Variants in KAZN observed in about 807,000 individuals in gnomAD.
The protein encoded by KAZN is kazrin, periplakin interacting protein.
In KAZN, 40 loss-of-function variants were observed where a neutral mutation model predicts 87.4. That is an observed-to-expected ratio of 0.46 (90% confidence interval 0.36 to 0.60). The LOEUF is 0.60. KAZN is among the 20% of genes least tolerant of loss of function. The pLI is 0.00. For missense variants in KAZN, 898 were observed against 1,073.9 expected (o/e 0.84, Z 2.29); for synonymous variants, 466 against 458.3 (o/e 1.02, Z -0.22).
intron 2 of KAZN, among the ~76,000 whole-genome samples, chr1:14,424,904 T>A (rs577429946): frequency 9.9e-5 from 15 of 152,172 alleles, no homozygotes; most frequent in Non-Finnish European, 2.2e-4. Context: ...TATACTTTGG[T>A]TTAACATAAG....
chr1:14,310,763 G>A (rs1655227788), intron 2 of KAZN, among the ~76,000 whole-genome samples: 1 of 152,152 alleles, frequency 6.6e-6, no homozygotes, highest in Admixed American at 6.5e-5. Context: ...GAATTCCCAG[G>A]AAAAAGAAGG....
intron 1 of KAZN, among the ~76,000 whole-genome samples, chr1:14,772,895 C>A (rs982046849): frequency 1.3e-5 from 2 of 152,094 alleles, no homozygotes; most frequent in Admixed American, 6.5e-5. Context: ...CTGGGGCACA[C>A]CACATTGGCC....
chr1:13,984,305 C>T (rs908055960), intron 1 of KAZN, among the ~76,000 whole-genome samples: 15 of 152,160 alleles, frequency 9.9e-5, no homozygotes, highest in African/African-American at 2.4e-4. Flanking sequence ...CCACCGCGCC[C>T]GGCCTATTTG....
chr1:14,067,116 CT>C (rs1643039112), intron 1 of KAZN, among the ~76,000 whole-genome samples: 1 of 151,934 alleles, frequency 6.6e-6, no homozygotes, highest in African/African-American at 2.4e-5. Context: ...ACTTTTTTCC[CT>C]GACTCCTCTC....
At chr1:15,106,538 C>G (rs1234098324) in intron 13 of KAZN, among the ~76,000 whole-genome samples, 1 of 152,094 alleles carries the variant, frequency 6.6e-6, no homozygotes, top group African/African-American at 2.4e-5. Context: ...CAGGGAGCAC[C>G]AGAGAAGGGA....
chr1:15,101,441 C>T (rs1040867688), intron 10 of KAZN, 102 bp from the exon 11 acceptor site: 1 of 754,962 alleles, frequency 1.3e-6, no homozygotes, highest in Non-Finnish European at 2.2e-6. Flanking sequence ...CCCCCAACCC[C>T]ATTGCTTTTC....
At chr1:14,701,753 C>T (rs994821770) in intron 1 of KAZN, among the ~76,000 whole-genome samples, 3 of 152,094 alleles carry the variant, frequency 2.0e-5, no homozygotes, top group Non-Finnish European at 2.9e-5. Flanking sequence ...GCTGTGATTG[C>T]GCCACTGCAT....
intron 2 of KAZN, among the ~76,000 whole-genome samples, chr1:14,546,312 C>T (rs892214919): frequency 1.9e-4 from 29 of 152,150 alleles, no homozygotes; most frequent in African/African-American, 6.5e-4. Flanking sequence ...AGAAAAGCTT[C>T]CAGAGAGAAA....
chr1:14,123,351 G>A (rs889720854), intron 1 of KAZN, among the ~76,000 whole-genome samples: 1 of 152,162 alleles, frequency 6.6e-6, no homozygotes, highest in Non-Finnish European at 1.5e-5. Context: ...GGAGATGGTT[G>A]TCTCCAACAG....
chr1:14,956,953 C>T (rs965477684), intron 1 of KAZN, among the ~76,000 whole-genome samples: 4 of 152,182 alleles, frequency 2.6e-5, no homozygotes, highest in African/African-American at 4.8e-5. Context: ...CGCCTTTGCT[C>T]ACACCATTTC....
chr1:14,601,073 G>T (rs1174851929), intron 1 of KAZN, among the ~76,000 whole-genome samples: 3 of 152,142 alleles, frequency 2.0e-5, no homozygotes, highest in Non-Finnish European at 2.9e-5. Context: ...GGATCTCTTG[G>T]ATATCCTTAA....
At chr1:14,041,981 G>A (rs1641858264) in intron 1 of KAZN, among the ~76,000 whole-genome samples, 1 of 152,110 alleles carries the variant, frequency 6.6e-6, no homozygotes, top group East Asian at 1.9e-4. Context: ...ATGCTTTTAG[G>A]ATCTTCTCTA....
intron 1 of KAZN, among the ~76,000 whole-genome samples, chr1:14,678,047 AG>A (rs1379550212): frequency 6.6e-6 from 1 of 152,170 alleles, no homozygotes; most frequent in African/African-American, 2.4e-5. Context: ...CTGAGAGGCA[AG>A]GGGCTCTGGC....
chr1:14,682,111 A>C (rs540931388), intron 1 of KAZN, among the ~76,000 whole-genome samples: 2 of 152,018 alleles, frequency 1.3e-5, no homozygotes, highest in Admixed American at 1.3e-4. Context: ...ATCCCCATTA[A>C]ACACTAACTC....
At chr1:14,638,600 G>C (rs1024189259) in intron 1 of KAZN, among the ~76,000 whole-genome samples, 2 of 141,802 alleles carry the variant, frequency 1.4e-5, no homozygotes, top group South Asian at 2.2e-4. Flanking sequence ...AAACAAAAAG[G>C]GTTGTCCTGT....
At chr1:15,000,078 G>A (rs867145388) in intron 2 of KAZN, among the ~76,000 whole-genome samples, 1 of 152,174 alleles carries the variant, frequency 6.6e-6, no homozygotes, top group Admixed American at 6.5e-5. Context: ...GGATTGTCTG[G>A]GTGGGCCCTG....
chr1:14,326,095 C>T (rs1656392670), intron 2 of KAZN, among the ~76,000 whole-genome samples: 1 of 152,190 alleles, frequency 6.6e-6, no homozygotes, highest in South Asian at 2.1e-4. Context: ...CAGATTCCAT[C>T]AAACTGCTTA....
chr1:14,013,160 T>C (rs1486353871), intron 1 of KAZN, among the ~76,000 whole-genome samples: 1 of 152,216 alleles, frequency 6.6e-6, no homozygotes, highest in Non-Finnish European at 1.5e-5. Flanking sequence ...TCTAATGATG[T>C]GGTTTTCAGA....
upstream of KAZN, among the ~76,000 whole-genome samples, chr1:14,593,780 A>G (rs932426106): frequency 1.3e-5 from 2 of 152,222 alleles, no homozygotes; most frequent in African/African-American, 4.8e-5. Flanking sequence ...AGGGAGAGGC[A>G]AGGGAAAAGG....
Sources: gnomAD v4.1 joint callset for allele counts (sites outside exome capture counted in the v4.1 genomes callset) on GRCh38, gnomAD v4.1.1 for gene constraint, MANE v1.5 for transcripts, NCBI Gene and HGNC (gene_info 2026-07-23, HGNC 2026-07-21) for gene names.